The following GABRG3 variants were observed in gnomAD, a reference collection of about 807,000 sequenced individuals.
GABRG3 encodes gamma-aminobutyric acid receptor subunit gamma-3.
In GABRG3, 25 loss-of-function variants were observed where a neutral mutation model predicts 48.8. The ratio of observed to expected loss-of-function variants is 0.51; its 90% confidence interval spans 0.37 to 0.72. GABRG3 has a LOEUF of 0.72. Ranked by LOEUF, GABRG3 falls within the 30% of genes least tolerant of loss-of-function variation. GABRG3 has a pLI of 0.00. For missense variants in GABRG3, 394 were observed against 577.9 expected (o/e 0.68, Z 3.26); for synonymous variants, 227 against 217.6 (o/e 1.04, Z -0.38).
intron 2 of GABRG3, among the ~76,000 whole-genome samples, chr15:26,993,921 T>A (rs59254731): frequency 0.051 from 7,689 of 152,118 alleles, 271 homozygotes; most frequent in East Asian, 0.18. Context: ...AATTATTATA[T>A]CCTCTTGCCG....
At chr15:27,370,753 A>G (rs1044808637) in intron 5 of GABRG3, among the ~76,000 whole-genome samples, 1 of 152,228 alleles carries the variant, frequency 6.6e-6, no homozygotes, top group African/African-American at 2.4e-5. Flanking sequence ...TGACACATGA[A>G]GTGAGCACTC....
intron 3 of GABRG3, among the ~76,000 whole-genome samples, chr15:27,255,318 G>A (rs1369301518): frequency 6.6e-6 from 1 of 152,328 alleles, no homozygotes; most frequent in South Asian, 2.1e-4. Context: ...CAAACACCAA[G>A]GGTGGTACAG....
chr15:27,481,055 G>A (rs1890090240), intron 6 of GABRG3: 1 of 1,243,132 alleles, frequency 8.0e-7, no homozygotes, highest in Non-Finnish European at 1.0e-6. Flanking sequence ...ACTCATTACT[G>A]ACCATATTTA....
chr15:27,184,388 T>C (rs1425224097), intron 3 of GABRG3, among the ~76,000 whole-genome samples: 2 of 151,750 alleles, frequency 1.3e-5, no homozygotes, highest in Non-Finnish European at 2.9e-5. Flanking sequence ...GGGCAGAGAG[T>C]TTTTCCTGTA....
chr15:27,474,867 C>T (rs1889889624), intron 5 of GABRG3, among the ~76,000 whole-genome samples: 1 of 152,012 alleles, frequency 6.6e-6, no homozygotes, highest in African/African-American at 2.4e-5. Flanking sequence ...TGCAGTGGTT[C>T]ACGCCTGTAA....
At chr15:27,436,212 C>T (rs1223765763) in intron 5 of GABRG3, among the ~76,000 whole-genome samples, 4 of 152,160 alleles carry the variant, frequency 2.6e-5, no homozygotes, top group Admixed American at 2.0e-4. Flanking sequence ...GGCCCACTTC[C>T]TGGTTTGCTA....
chr15:27,521,882 A>G (rs1453935416), intron 7 of GABRG3, among the ~76,000 whole-genome samples: 1 of 152,056 alleles, frequency 6.6e-6, no homozygotes, highest in Non-Finnish European at 1.5e-5. Flanking sequence ...GAATATGCAT[A>G]ACATAACTAT....
At chr15:27,475,556 TATG>T (rs1889913412) in intron 5 of GABRG3, among the ~76,000 whole-genome samples, 1 of 151,948 alleles carries the variant, frequency 6.6e-6, no homozygotes, top group African/African-American at 2.4e-5. Context: ...ATGATGATGG[TATG>T]ATGATAGTAA....
At chr15:27,228,571 G>A (rs1310779801) in intron 3 of GABRG3, among the ~76,000 whole-genome samples, 1 of 152,180 alleles carries the variant, frequency 6.6e-6, no homozygotes, top group East Asian at 1.9e-4. Context: ...ATTCCTCTGG[G>A]TATATACCCA....
chr15:27,074,024 A>G (rs1444730492), intron 3 of GABRG3, among the ~76,000 whole-genome samples: 2 of 152,242 alleles, frequency 1.3e-5, no homozygotes, highest in African/African-American at 2.4e-5. Flanking sequence ...GAAGGCAGGG[A>G]GGAGCAAGTC....
chr15:26,996,109 T>G (rs1342467585), intron 2 of GABRG3, among the ~76,000 whole-genome samples: 1 of 152,170 alleles, frequency 6.6e-6, no homozygotes, highest in Admixed American at 6.5e-5. Context: ...ATTATATATG[T>G]ACTTTTTTAT....
At chr15:27,165,250 G>A (rs567950545) in intron 3 of GABRG3, among the ~76,000 whole-genome samples, 20 of 152,284 alleles carry the variant, frequency 1.3e-4, no homozygotes, top group African/African-American at 3.8e-4. Flanking sequence ...CTGGTGGTAT[G>A]TTTACCGACA....
rs938426669 is a variant in GABRG3, at chr15:27,538,869, A to T, written c.*5988A>T. The T allele has an allele frequency of 6.6e-6, 1 of 152,190 alleles. No homozygotes were observed. The highest frequency in any genetic ancestry group is 1.5e-5 in the Non-Finnish European group (1 of 68,036). The allele number at this position is 152,190 out of a possible 1,614,324, so 9.4% of individuals were successfully genotyped here. On this transcript the variant is annotated 3_prime_UTR_variant, in exon 10 of 10. Coordinates refer to ENST00000615808, the MANE Select transcript of GABRG3 (RefSeq NM_033223.5). ...TGAATGATGTGTATGTACCCAACACATCCAATTTGTATTTTCTTAAATATG... is the reference window on the plus strand; with the variant it reads ...TGAATGATGTGTATGTACCCAACACTTCCAATTTGTATTTTCTTAAATATG...
At chr15:27,246,117 C>T (rs979595348) in intron 3 of GABRG3, among the ~76,000 whole-genome samples, 2 of 152,110 alleles carry the variant, frequency 1.3e-5, no homozygotes, top group African/African-American at 2.4e-5. Context: ...AAACACCTCC[C>T]GCCAGGCCTC....
intron 3 of GABRG3, among the ~76,000 whole-genome samples, chr15:27,207,084 G>T (rs1888878700): frequency 6.6e-6 from 1 of 152,140 alleles, no homozygotes; most frequent in Non-Finnish European, 1.5e-5. Context: ...ATTTGATCCT[G>T]TCATCATGTT....
intron 3 of GABRG3, chr15:27,208,691 G>A (rs1479074764): frequency 1.3e-5 from 2 of 152,500 alleles, no homozygotes; most frequent in African/African-American, 4.8e-5. Flanking sequence ...AGTCTGGCAG[G>A]CCCTTTTGTC....
chr15:27,157,568 C>G (rs1898465298), intron 3 of GABRG3: 1 of 152,208 alleles, frequency 6.6e-6, no homozygotes, highest in Non-Finnish European at 1.5e-5. Flanking sequence ...TCAAGTCAAT[C>G]CTGAGCTTGG....
At chr15:27,518,781 A>G (rs1438129208) in intron 6 of GABRG3, among the ~76,000 whole-genome samples, 1 of 152,220 alleles carries the variant, frequency 6.6e-6, no homozygotes, top group Admixed American at 6.5e-5. Context: ...TGTGGACCAC[A>G]TAAAAGTGTC....
At chr15:27,035,649 G>A (rs889248295) in intron 3 of GABRG3, among the ~76,000 whole-genome samples, 4 of 152,126 alleles carry the variant, frequency 2.6e-5, no homozygotes, top group African/African-American at 4.8e-5. Context: ...GCAAGCCCCC[G>A]CACAGGCCCC....
Sources: allele counts gnomAD v4.1 joint callset (sites outside exome capture counted in the v4.1 genomes callset), GRCh38; gene constraint gnomAD v4.1.1; transcripts MANE v1.5; gene names NCBI Gene and HGNC (gene_info 2026-07-23, HGNC 2026-07-21).